Variants in LYPD6 observed in about 807,000 individuals in gnomAD.
LYPD6 encodes LY6/PLAUR domain containing 6, also known as ly6/PLAUR domain-containing protein 6.
Under a neutral mutation model 22.7 loss-of-function variants are expected in LYPD6, and 15 were observed. The ratio of observed to expected loss-of-function variants is 0.66; its 90% CI spans 0.44 to 1.02. The LOEUF (loss-of-function observed/expected upper bound fraction) is 1.02. Ranked by LOEUF, LYPD6 falls within the 50% of genes least tolerant of loss-of-function variation. The probability of loss-of-function intolerance (pLI) is 0.00; values close to 1 mark genes in which losing one functional copy is unlikely to be tolerated. For synonymous variants in LYPD6, 72 were observed against 77.5 expected (o/e 0.93, Z 0.37); for missense variants, 189 against 208.4 (o/e 0.91, Z 0.57).
intron 1 of LYPD6, among the ~76,000 whole-genome samples, chr2:149,373,993 G>A (rs1046393644): frequency 2.0e-5 from 3 of 152,158 alleles, no homozygotes; most frequent in African/African-American, 4.8e-5. Context: ...GTCCATTCCT[G>A]CCCCCATGCA....
intron 2 of LYPD6, 123 bp from the exon 3 acceptor site, chr2:149,448,926 A>G: frequency 1.4e-6 from 1 of 693,444 alleles, no homozygotes. Context: ...TGGTAGTTGA[A>G]GGTTTAAGAA....
intron 1 of LYPD6, among the ~76,000 whole-genome samples, chr2:149,344,197 C>T (rs1263339852): frequency 2.0e-5 from 3 of 152,130 alleles, no homozygotes; most frequent in African/African-American, 7.2e-5. Context: ...TGCCTCTTAC[C>T]TAGAACTGTT....
downstream of LYPD6, among the ~76,000 whole-genome samples, chr2:149,476,863 C>G (rs1038197106): frequency 6.6e-5 from 10 of 152,174 alleles, no homozygotes; most frequent in Non-Finnish European, 1.0e-4. Flanking sequence ...CCTGGCTAAG[C>G]TTTCCCCTGA....
chr2:149,383,488 G>T (rs563586438), intron 1 of LYPD6, among the ~76,000 whole-genome samples: 1 of 152,206 alleles, frequency 6.6e-6, no homozygotes, highest in South Asian at 2.1e-4. Flanking sequence ...TGATGATCAT[G>T]TGCGTTGCCA....
chr2:149,354,487 T>C (rs1337650873), intron 1 of LYPD6, among the ~76,000 whole-genome samples: 8 of 152,116 alleles, frequency 5.3e-5, no homozygotes, highest in Non-Finnish European at 1.2e-4. Context: ...ATTACAGGCA[T>C]GAACCACCGC....
At chr2:149,424,782 G>T (rs924534921) in intron 1 of LYPD6, among the ~76,000 whole-genome samples, 7 of 152,180 alleles carry the variant, frequency 4.6e-5, no homozygotes, top group African/African-American at 9.7e-5. Flanking sequence ...ATGTCAAGGG[G>T]CAAGTGGTAG....
At position 149,422,410 on chromosome 2, in the gene LYPD6, G is replaced by T. The variant is rs145807521; in HGVS notation, c.-71-15228G>T. Reference sequence around the variant, plus strand: ...TTCTCCTTCACAGTAAGCCTAGCAAGTGGGTAATGGGGCCTGGGGTCTCTC... The same window carrying T: ...TTCTCCTTCACAGTAAGCCTAGCAATTGGGTAATGGGGCCTGGGGTCTCTC... On this transcript the variant is annotated intron_variant, in intron 1 of 4. Coordinates refer to ENST00000334166, the MANE Select transcript of LYPD6 (RefSeq NM_194317.5). Among the ~76,000 whole-genome samples, 62 of 152,238 alleles carry T rather than the reference G, an allele frequency of 4.1e-4. No individual in the cohort carries two copies. In the East Asian group the frequency reaches 0.012, roughly 29 times the overall value.
At chr2:149,443,811 A>C (rs1452724665) in intron 2 of LYPD6, among the ~76,000 whole-genome samples, 1 of 152,178 alleles carries the variant, frequency 6.6e-6, no homozygotes, top group African/African-American at 2.4e-5. Flanking sequence ...AGCAATTATC[A>C]CAATAAAGCA....
At chr2:149,439,565 G>A (rs548650408) in intron 2 of LYPD6, among the ~76,000 whole-genome samples, 43 of 152,176 alleles carry the variant, frequency 2.8e-4, no homozygotes, top group Non-Finnish European at 5.0e-4. Context: ...GGACCTACAC[G>A]GAGGCTGTGA....
chr2:149,370,991 A>G (rs181316355), intron 1 of LYPD6, among the ~76,000 whole-genome samples: 2 of 152,282 alleles, frequency 1.3e-5, no homozygotes, highest in East Asian at 3.9e-4. Context: ...GCTAATGACA[A>G]CTGTACAAGA....
chr2:149,408,668 A>C (rs1682784156), intron 1 of LYPD6, among the ~76,000 whole-genome samples: 1 of 152,114 alleles, frequency 6.6e-6, no homozygotes, highest in South Asian at 2.1e-4. Context: ...CAAGCTCTGA[A>C]GTTCTTTCTT....
intron 1 of LYPD6, among the ~76,000 whole-genome samples, chr2:149,364,000 T>A (rs1389226436): frequency 6.6e-6 from 1 of 152,162 alleles, no homozygotes; most frequent in Non-Finnish European, 1.5e-5. Context: ...TTCCTACTTT[T>A]AAAAAAATGA....
intron 2 of LYPD6, among the ~76,000 whole-genome samples, chr2:149,445,771 C>T (rs747870346): frequency 1.8e-4 from 27 of 152,202 alleles, no homozygotes; most frequent in Non-Finnish European, 3.1e-4. Context: ...ACCACTCAAA[C>T]TTTCTCTGTA....
At chr2:149,460,917 A>G (rs1191597126) in intron 3 of LYPD6, among the ~76,000 whole-genome samples, 1 of 152,130 alleles carries the variant, frequency 6.6e-6, no homozygotes, top group Non-Finnish European at 1.5e-5. Flanking sequence ...AGGGAAATTT[A>G]AAAGACAATG....
chr2:149,411,441 A>G (rs549115815), intron 1 of LYPD6, among the ~76,000 whole-genome samples: 55 of 151,860 alleles, frequency 3.6e-4, no homozygotes, highest in African/African-American at 1.3e-3. Flanking sequence ...CATTCCATTT[A>G]CTCCATTTGC....
intron 1 of LYPD6, among the ~76,000 whole-genome samples, chr2:149,402,906 A>G (rs1399281511): frequency 4.6e-5 from 6 of 130,564 alleles, no homozygotes; most frequent in Non-Finnish European, 9.6e-5. Context: ...ACAGTCCCCA[A>G]AGTGTGATGT....
intron 1 of LYPD6, among the ~76,000 whole-genome samples, chr2:149,373,558 G>A (rs539881405): frequency 1.3e-5 from 2 of 152,050 alleles, no homozygotes; most frequent in African/African-American, 4.8e-5. Flanking sequence ...AGCTGTCCTC[G>A]TGTCCAAGGG....
intron 1 of LYPD6, among the ~76,000 whole-genome samples, chr2:149,418,118 A>G (rs1228234509): frequency 4.6e-5 from 7 of 152,196 alleles, no homozygotes; most frequent in Non-Finnish European, 8.8e-5. Flanking sequence ...CATGGGCTCG[A>G]TCTCTATGGC....
At chr2:149,382,289 G>T (rs1682083054) in intron 1 of LYPD6, among the ~76,000 whole-genome samples, 1 of 152,144 alleles carries the variant, frequency 6.6e-6, no homozygotes, top group African/African-American at 2.4e-5. Context: ...TTCTTACCTT[G>T]CAGTCACATC....
Sources: allele counts gnomAD v4.1 joint callset (sites outside exome capture counted in the v4.1 genomes callset), GRCh38; gene constraint gnomAD v4.1.1; transcripts MANE v1.5; gene names NCBI Gene and HGNC (gene_info 2026-07-23, HGNC 2026-07-21).